The following COL19A1 variants were observed in gnomAD, a reference collection of about 807,000 sequenced individuals.
The protein encoded by COL19A1 is collagen type XIX alpha 1 chain.
A neutral mutation model predicts 190.2 loss-of-function variants in COL19A1; 159 were observed. The observed-to-expected ratio is 0.84, with a 90% CI of 0.73 to 0.95. The LOEUF is 0.95. Among genes scored for constraint, COL19A1 ranks in the 40% least tolerant of loss-of-function variants. The pLI, the probability that COL19A1 is intolerant of heterozygous loss-of-function variation, is 0.00. For synonymous variants in COL19A1, 509 were observed against 458.9 expected, an observed-to-expected ratio of 1.11 and a Z score of -1.39; for missense variants, 1,418 against 1,431.9, an observed-to-expected ratio of 0.99 and a Z score of 0.16.
At chr6:70,005,500 G>T (rs1390242928) in intron 11 of COL19A1, among the ~76,000 whole-genome samples, 1 of 152,180 alleles carries the variant, frequency 6.6e-6, no homozygotes, top group East Asian at 1.9e-4. Context: ...CACTCAAGGA[G>T]TCTGGAGAAC....
intron 11 of COL19A1, among the ~76,000 whole-genome samples, chr6:69,989,985 CTTG>C (rs1280548560): frequency 2.0e-5 from 3 of 152,014 alleles, no homozygotes; most frequent in African/African-American, 7.2e-5. Flanking sequence ...AGAGCTTTAT[CTTG>C]TTAAGAAAAT....
intron 15 of COL19A1, among the ~76,000 whole-genome samples, chr6:70,082,056 G>T (rs1453644002): frequency 1.3e-5 from 2 of 152,052 alleles, no homozygotes; most frequent in African/African-American, 4.8e-5. Context: ...TCAGTGAAAA[G>T]TTATCTTCAA....
intron 36 of COL19A1, among the ~76,000 whole-genome samples, chr6:70,165,162 A>T (rs950068785): frequency 1.3e-5 from 2 of 152,208 alleles, no homozygotes; most frequent in African/African-American, 4.8e-5. Flanking sequence ...GAGTTATAGG[A>T]AGAACTGCTG....
chr6:69,907,182 T>G (rs1389954677), intron 4 of COL19A1, among the ~76,000 whole-genome samples: 2 of 146,932 alleles, frequency 1.4e-5, no homozygotes, highest in East Asian at 4.0e-4. Context: ...CAGGCTGGAG[T>G]GCAGTGGCAC....
At chr6:70,084,530 G>C (rs998552623) in intron 15 of COL19A1, among the ~76,000 whole-genome samples, 1 of 152,230 alleles carries the variant, frequency 6.6e-6, no homozygotes, top group Non-Finnish European at 1.5e-5. Flanking sequence ...AGGAAAATCA[G>C]TGTCGTCAGA....
intron 11 of COL19A1, among the ~76,000 whole-genome samples, chr6:70,002,103 T>G (rs1286006698): frequency 6.6e-6 from 1 of 152,220 alleles, no homozygotes; most frequent in Non-Finnish European, 1.5e-5. Context: ...AAAAGCCATT[T>G]CTGCATATAT....
rs1416763113 is a variant in COL19A1, at chr6:70,130,216, G to A, written c.1376G>A (p.Gly459Glu). The change falls in exon 18 of 51, where the codon GGA becomes GAA. Residue 459 changes from glycine to glutamate, a missense_variant. Physicochemically the swap from Gly to Glu is moderately conservative, Grantham distance 98. Transcript: ENST00000620364. ...GAACATGAAGCTGGAGGCCTGAAAG[G>A]AGACAAGGTAATCAGATTTTTTTTT... ...NDEHEAGGLK[G>E]DKGETGLPGF... 3 of 1,612,788 alleles carry A rather than the reference G, an allele frequency of 1.9e-6. No homozygotes were observed. The highest frequency in any genetic ancestry group is 1.3e-5 in the African/African-American group (1 of 74,776).
chr6:70,156,829 C>T (rs1787471381), intron 34 of COL19A1, 106 bp downstream of exon 34: 4 of 719,728 alleles, frequency 5.6e-6, no homozygotes, highest in African/African-American at 5.5e-5. Context: ...GATGCTATAA[C>T]CAATAAAAAC....
intron 12 of COL19A1, among the ~76,000 whole-genome samples, chr6:70,031,013 T>C (rs1779033959): frequency 1.3e-5 from 2 of 152,218 alleles, no homozygotes. Context: ...ATTCACATCA[T>C]GTCATTTTCC....
At position 70,207,184 on chromosome 6, in the gene COL19A1, A is replaced by ACAGGGCCCCC. The variant is rs1360936723; in HGVS notation, c.3344_3353dup (p.Ser1120ProfsTer8). 3.5e-5 allele frequency: 57 copies of ACAGGGCCCCC among 1,613,494 alleles called. No homozygotes were observed. The highest frequency in any genetic ancestry group is 4.8e-5 in the Non-Finnish European group (57 of 1,179,888). Reference sequence around the variant, plus strand: ...CAGGCTCACCAGGTGCCCCAGGCCCACAGGGCCCCCCAGGACCCAGTGGAA... The same window carrying ACAGGGCCCCC: ...CAGGCTCACCAGGTGCCCCAGGCCCACAGGGCCCCCCAGGGCCCCCCAGGACCCAGTGGAA... On this transcript the variant is annotated frameshift_variant, in exon 51 of 51. Coordinates refer to ENST00000620364, the MANE Select transcript of COL19A1 (RefSeq NM_001858.6). LOFTEE classifies it high-confidence loss of function.
rs139870856 is a variant in COL19A1, at chr6:70,184,677, A to C, written c.2776-26A>C. Reference sequence around the variant, plus strand: ...TTAACTATGTTAATGCAGAGTTAGAAATATTAATCCTTTTTTTCTTTATAG... The same window carrying C: ...TTAACTATGTTAATGCAGAGTTAGACATATTAATCCTTTTTTTCTTTATAG... On this transcript the variant is annotated intron_variant, in intron 44 of 50. Coordinates refer to ENST00000620364, the MANE Select transcript of COL19A1 (RefSeq NM_001858.6). The C allele has an allele frequency of 3.5e-4, 547 of 1,564,378 alleles. 3 individuals are homozygous for C. The African/African-American group carries it at 6.6e-3, about 19-fold the overall frequency.
At chr6:70,097,192 G>A (rs1783329125) in intron 15 of COL19A1, among the ~76,000 whole-genome samples, 1 of 152,020 alleles carries the variant, frequency 6.6e-6, no homozygotes, top group Non-Finnish European at 1.5e-5. Context: ...CACACTGCAA[G>A]TCATCCTGGA....
Position 70,056,529 on chromosome 6 carries a change from C to T in COL19A1, c.1171-11894C>T, listed in dbSNP as rs117386184. ...CTTACCTCTCCTCCTTCACCTGTGC[C>T]GTGTGATTCATGATTGAGCCTTATG... is the stretch of plus-strand genomic sequence containing the variant. On this transcript the variant is annotated intron_variant, in intron 14 of 50. Coordinates refer to ENST00000620364, the MANE Select transcript of COL19A1 (RefSeq NM_001858.6). 8.6e-4 allele frequency among the ~76,000 whole-genome samples: 131 copies of T among 152,232 alleles called. No homozygotes were observed. The East Asian group carries it at 0.021, about 24-fold the overall frequency.
intron 9 of COL19A1, among the ~76,000 whole-genome samples, chr6:69,938,996 C>G (rs1489755860): frequency 6.6e-6 from 1 of 151,948 alleles, no homozygotes; most frequent in Non-Finnish European, 1.5e-5. Context: ...ATCTATTGCT[C>G]CCCCCGCTTT....
At chr6:70,047,063 C>T (rs528598898) in intron 14 of COL19A1, among the ~76,000 whole-genome samples, 160 of 152,130 alleles carry the variant, frequency 1.1e-3, no homozygotes, top group African/African-American at 3.5e-3. Flanking sequence ...TTGCTAATAT[C>T]ATTGTCACGT....
chr6:70,057,864 A>G (rs3806000), intron 14 of COL19A1, among the ~76,000 whole-genome samples: 93,793 of 151,922 alleles, frequency 0.62, 30,064 homozygotes, highest in African/African-American at 0.76. Context: ...ACCAAGAGAA[A>G]TGCAAAGAAT....
At chr6:70,033,664 A>G (rs1779192145) in intron 12 of COL19A1, among the ~76,000 whole-genome samples, 1 of 152,144 alleles carries the variant, frequency 6.6e-6, no homozygotes, top group Non-Finnish European at 1.5e-5. Flanking sequence ...TATATGTCAT[A>G]TATAGTTTCA....
At chr6:70,203,989 T>A (rs1767710630) in intron 49 of COL19A1, among the ~76,000 whole-genome samples, 1 of 152,092 alleles carries the variant, frequency 6.6e-6, no homozygotes. Context: ...GCCTCCCAAG[T>A]AGCTGGGATT....
intron 18 of COL19A1, among the ~76,000 whole-genome samples, chr6:70,132,566 C>A (rs568618218): frequency 6.6e-6 from 1 of 152,218 alleles, no homozygotes; most frequent in Admixed American, 6.5e-5. Flanking sequence ...TTTAAAGCTC[C>A]ATCAAGCTGT....
Sources: allele counts gnomAD v4.1 joint callset (sites outside exome capture counted in the v4.1 genomes callset), GRCh38; gene constraint gnomAD v4.1.1; transcripts MANE v1.5; gene names NCBI Gene and HGNC (gene_info 2026-07-23, HGNC 2026-07-21).